RNF44: variants seen among roughly 807,000 people sequenced by gnomAD.
The protein encoded by RNF44 is ring finger protein 44.
A neutral mutation model predicts 53.6 loss-of-function variants in RNF44; 25 were observed. The ratio of observed to expected loss-of-function variants is 0.47; its 90% CI spans 0.34 to 0.65. The LOEUF (loss-of-function observed/expected upper bound fraction) is 0.65, where lower values mean the gene tolerates loss of function less well. Ranked by LOEUF, RNF44 falls within the 30% of genes least tolerant of loss-of-function variation. The pLI is 0.01. For synonymous variants in RNF44, 282 were observed against 252.2 expected, an observed-to-expected ratio of 1.12 and a Z score of -1.12; for missense variants, 581 against 595.5, an observed-to-expected ratio of 0.98 and a Z score of 0.25.
rs1266882464 is a variant in RNF44 at position 176,531,335 on chromosome 5, C to T, written c.465+128G>A. 5 of 913,092 alleles carry T rather than the reference C, an allele frequency of 5.5e-6. No homozygotes were observed. Among genetic ancestry groups the T allele is most frequent in the African/African-American group, 1.7e-5 (1 of 59,780 alleles). The allele number at this position is 913,092 out of a possible 1,614,324, so 56.6% of individuals were successfully genotyped here. On this transcript the variant is annotated intron_variant, in intron 4 of 10. Coordinates refer to ENST00000274811, the MANE Select transcript of RNF44 (RefSeq NM_014901.5). The surrounding 1 kb of genome is among the most constrained non-coding windows in gnomAD (Gnocchi z 4.2). ...CGTATGCTTTCCTGGGGAGGCCAGGCAGGCGCTCTGACAGCCTGGATGGCT... is the reference window on the plus strand; with the variant it reads ...CGTATGCTTTCCTGGGGAGGCCAGGTAGGCGCTCTGACAGCCTGGATGGCT...
Position 176,529,586 on chromosome 5 carries a change from G to A in RNF44, c.1073C>T (p.Ala358Val), listed in dbSNP as rs760626091. Residue 358 changes from alanine to valine, a missense_variant, in exon 9 of 11, where the codon GCA (alanine) becomes GTA (valine). By Grantham distance (64) the Ala-to-Val change is moderately conservative. Transcript: ENST00000274811. ...GTACGACGGGAGCTGCTCTATGTCT[G>A]CTTTGGTGAGACCCCGGGGCTTGGC... ...GDAKPRGLTK[A>V]DIEQLPSYRF... The A allele has an allele frequency of 3.7e-6, 6 of 1,614,044 alleles. No individual in the cohort carries two copies. The East Asian group carries it at 1.3e-4, about 36-fold the overall frequency.
rs1756573687 is a variant in RNF44, at chr5:176,530,722, CGTT to C, written c.658_660del (p.Asn220del). ...GGCTGGTCCCCACGCAGGTCCACGT[CGTT>C]GTCGAGCCGCTGGAGGGGCTGGAAG... On this transcript the variant is annotated inframe_deletion, in exon 6 of 11. Coordinates refer to ENST00000274811, the MANE Select transcript of RNF44 (RefSeq NM_014901.5). 1.3e-6 allele frequency: 2 copies of C among 1,545,702 alleles called. No homozygotes were observed. The highest frequency in any genetic ancestry group is 1.7e-6 in the Non-Finnish European group (2 of 1,148,888).
At position 176,529,051 on chromosome 5, in the gene RNF44, C is replaced by T. The variant is rs780972116; in HGVS notation, c.1276G>A (p.Glu426Lys). The change falls in exon 11 of 11, where the codon GAG becomes AAG. Residue 426 changes from glutamate (E) to lysine (K), a missense_variant. Physicochemically the swap from Glu to Lys is moderately conservative, Grantham distance 56 (BLOSUM62 1). Transcript: ENST00000274811. The stretch of plus-strand genomic sequence containing the variant: ...CCTCACTCAGCCTCCCTGGGCACCT[C>T]GGAGGCGTCGGCCCGGCAGATGGGA... The part of the protein sequence containing the change: ...TCPICRADAS[E>K]VPREAE The T allele has an allele frequency of 8.1e-6, 13 of 1,612,738 alleles. 1 individual carries two copies. Among genetic ancestry groups the T allele is most frequent in the African/African-American group, 2.7e-5 (2 of 74,930 alleles).
chr5:176,527,180 A>AATAAG lies in RNF44; in HGVS notation c.*1843_*1847dup, dbSNP rs1756102496. The AATAAG allele has an allele frequency of 6.6e-6, 1 of 152,424 alleles. No individual in the cohort carries two copies. Among genetic ancestry groups the AATAAG allele is most frequent in the Non-Finnish European group, 1.5e-5 (1 of 68,038 alleles). 9.4% of individuals were successfully genotyped at this position (152,424 alleles called of 1,614,324 possible). ...GTCATGCCTAGGCCAGAAGTTGGTA[A>AATAAG]ATAAGAGAGTAAACAATGGCAAGCC... is the stretch of plus-strand genomic sequence containing the variant. On this transcript the variant is annotated 3_prime_UTR_variant, in exon 11 of 11. Coordinates refer to ENST00000274811, the MANE Select transcript of RNF44 (RefSeq NM_014901.5).
chr5:176,528,914 C>T lies in RNF44; in HGVS notation c.*114G>A. Reference sequence around the variant, plus strand: ...GACCCTGGCACCAGCTCTGGAAATGCAGGCAGGAGCGAAGGGGCAGGCCTG... The same window carrying T: ...GACCCTGGCACCAGCTCTGGAAATGTAGGCAGGAGCGAAGGGGCAGGCCTG... On this transcript the variant is annotated 3_prime_UTR_variant, in exon 11 of 11. Coordinates refer to ENST00000274811, the MANE Select transcript of RNF44 (RefSeq NM_014901.5). 3.1e-6 allele frequency: 3 copies of T among 963,784 alleles called. No individual in the cohort carries two copies. Among genetic ancestry groups the T allele is most frequent in the Non-Finnish European group, 3.1e-6 (2 of 652,136 alleles). 59.7% of individuals were successfully genotyped at this position (963,784 alleles called of 1,614,324 possible).
chr5:176,540,280 T>C (rs1447674817), upstream of RNF44, among the ~76,000 whole-genome samples: 1 of 152,064 alleles, frequency 6.6e-6, no homozygotes, highest in Non-Finnish European at 1.5e-5. Flanking sequence ...GACCTGAGGC[T>C]CAAAGAGGTG....
At chr5:176,534,228 C>A (rs558751477) in intron 1 of RNF44, among the ~76,000 whole-genome samples, 46 of 152,360 alleles carry the variant, frequency 3.0e-4, no homozygotes, top group Admixed American at 7.8e-4. Context: ...GTCACCCAGT[C>A]TGGCAGCAAT....
Position 176,529,538 on chromosome 5 carries a change from T to C in RNF44, c.1121A>G (p.Gln374Arg). The change falls in exon 9 of 11, where the codon CAG becomes CGG. Residue 374 changes from glutamine (Q) to arginine (R), a missense_variant. Transcript: ENST00000274811. The stretch of plus-strand genomic sequence containing the variant: ...GGGTACTCACAGCGTCTGCTCCGAC[T>C]GATGGCTGTCCGGGTTAAAGCGGTA... ...PSYRFNPDSH[Q>R]SEQTLCVVCF... is the part of the protein sequence containing the mutation. The C allele has an allele frequency of 6.2e-7, 1 of 1,614,020 alleles. No individual in the cohort carries two copies. The highest frequency in any genetic ancestry group is 1.3e-5 in the African/African-American group (1 of 75,064).
Position 176,527,094 on chromosome 5 carries a change from A to T in RNF44, c.*1934T>A, listed in dbSNP as rs776355644. On this transcript the variant is annotated 3_prime_UTR_variant, in exon 11 of 11. Coordinates refer to ENST00000274811, the MANE Select transcript of RNF44 (RefSeq NM_014901.5). ...TATATGTAATTTTATATATATATAA[A>T]ACCTTTCTAACACAGAACACAGGCG... The T allele has an allele frequency of 1.3e-5, 2 of 152,176 alleles. No individual in the cohort carries two copies. The highest frequency in any genetic ancestry group is 4.8e-5 in the African/African-American group (2 of 41,382). The allele number at this position is 152,176 out of a possible 1,614,324, so 9.4% of individuals were successfully genotyped here.
Position 176,529,548 on chromosome 5 carries a change from C to A in RNF44, c.1111G>T (p.Asp371Tyr). 1 of 1,614,022 alleles carries A rather than the reference C, an allele frequency of 6.2e-7. No individual in the cohort carries two copies. The highest frequency in any genetic ancestry group is 8.5e-7 in the Non-Finnish European group (1 of 1,180,024). The change falls in exon 9 of 11, where the codon GAC becomes TAC. Residue 371 changes from aspartate to tyrosine, a missense_variant. Transcript: ENST00000274811. Reference protein sequence around the residue: ...EQLPSYRFNPDSHQSEQTLCV... With the variant: ...EQLPSYRFNPYSHQSEQTLCV... ...AGCGTCTGCTCCGACTGATGGCTGTCCGGGTTAAAGCGGTACGACGGGAGC... is the reference window on the plus strand; with the variant it reads ...AGCGTCTGCTCCGACTGATGGCTGTACGGGTTAAAGCGGTACGACGGGAGC...
rs1756146624 is a variant in RNF44, at chr5:176,527,648, C to T, written c.*1380G>A. On this transcript the variant is annotated 3_prime_UTR_variant, in exon 11 of 11. Transcript: ENST00000274811. ...GGAGAACGAGGGTGGTTGGAGCATC[C>T]CTGAGGCAGCAGGCGCCAGGGGCTG... 1 of 152,280 alleles carries T rather than the reference C, an allele frequency of 6.6e-6. No homozygotes were observed. Among genetic ancestry groups the T allele is most frequent in the African/African-American group, 2.4e-5 (1 of 41,412 alleles). The allele number at this position is 152,280 out of a possible 1,614,324, so 9.4% of individuals were successfully genotyped here.
rs1756131431 is a variant in RNF44 at position 176,527,495 on chromosome 5, T to C, written c.*1533A>G. 6.6e-6 allele frequency: 1 copy of C among 152,402 alleles called. No homozygotes were observed. The allele number at this position is 152,402 out of a possible 1,614,324, so 9.4% of individuals were successfully genotyped here. A position where few individuals can be genotyped will look rare whatever the true frequency, so the allele number is the denominator to read the frequency against. On this transcript the variant is annotated 3_prime_UTR_variant, in exon 11 of 11. Transcript: ENST00000274811. ...TGTAAAACACGTGGGTTTTCAACACTGCTATAAATATAGAAACGTCACCTG... is the reference window on the plus strand; with the variant it reads ...TGTAAAACACGTGGGTTTTCAACACCGCTATAAATATAGAAACGTCACCTG...
At chr5:176,535,182 C>T (rs1757042552) in intron 1 of RNF44, among the ~76,000 whole-genome samples, 1 of 152,250 alleles carries the variant, frequency 6.6e-6, no homozygotes, top group Admixed American at 6.5e-5. Flanking sequence ...AGGGCTTCCC[C>T]TCCCGAGCCT....
In RNF44 at chr5:176,529,198, T is replaced by C. The variant is rs756744192; in HGVS notation, c.1236+90A>G. 8.4e-6 allele frequency: 13 copies of C among 1,555,898 alleles called. No individual in the cohort carries two copies. In the African/African-American group the frequency reaches 9.5e-5, roughly 11 times the overall value. ...GCTGGAGCCAGAACTTCCGAGATGATGACAAGGACAAGGAGGGAAACAGCC... is the reference window on the plus strand; with the variant it reads ...GCTGGAGCCAGAACTTCCGAGATGACGACAAGGACAAGGAGGGAAACAGCC... On this transcript the variant is annotated intron_variant, in intron 10 of 10. Transcript: ENST00000274811.
intron 1 of RNF44, among the ~76,000 whole-genome samples, chr5:176,532,786 AG>A (rs1246763458): frequency 1.3e-5 from 2 of 148,600 alleles, no homozygotes; most frequent in African/African-American, 4.9e-5. Flanking sequence ...TGAGGCACAG[AG>A]AAGTCCAGGC....
In RNF44 at chr5:176,526,986, C is replaced by A. The variant is rs1279506711; in HGVS notation, c.*2042G>T. On this transcript the variant is annotated 3_prime_UTR_variant, in exon 11 of 11. Transcript: ENST00000274811. ...TTTTTTCTCTATATATTAGCATTTT[C>A]TCAAATACATACATGGGAAAAATGA... The A allele has an allele frequency of 6.6e-6, 1 of 152,282 alleles. No individual in the cohort carries two copies. Among genetic ancestry groups the A allele is most frequent in the East Asian group, 1.9e-4 (1 of 5,204 alleles). 9.4% of individuals were successfully genotyped at this position (152,282 alleles called of 1,614,324 possible). A position where few individuals can be genotyped will look rare whatever the true frequency, so the allele number is the denominator to read the frequency against.
intron 2 of RNF44, 38 bp downstream of exon 2, chr5:176,532,328 C>T: frequency 1.3e-6 from 2 of 1,572,320 alleles, no homozygotes; most frequent in Non-Finnish European, 8.6e-7. Flanking sequence ...CTGCTGGCCC[C>T]CATGCCCCAG....
chr5:176,530,291 C>A, intron 6 of RNF44, 85 bp from the exon 7 acceptor site: 1 of 296,746 alleles, frequency 3.4e-6, no homozygotes. Flanking sequence ...GCCCGGTGGG[C>A]CTGCCTCCCA....
Position 176,531,850 on chromosome 5 carries a change from C to A in RNF44, c.297+154G>T. ...TGCTAGTCACCCAGTGTGGCCCTTT[C>A]CCCGGGCCTCAGTTTACCTACCTGT... On this transcript the variant is annotated intron_variant, in intron 3 of 10. Transcript: ENST00000274811. This position sits in a 1 kb window ranked among gnomAD's most constrained non-coding sequence, Gnocchi z 4.2. 2 of 930,286 alleles carry A rather than the reference C, an allele frequency of 2.1e-6. No homozygotes were observed. The highest frequency in any genetic ancestry group is 1.6e-6 in the Non-Finnish European group (1 of 628,140). 57.6% of individuals were successfully genotyped at this position (930,286 alleles called of 1,614,324 possible).
Sources: allele counts gnomAD v4.1 joint callset (sites outside exome capture counted in the v4.1 genomes callset), GRCh38; gene constraint gnomAD v4.1.1; non-coding constraint Gnocchi (gnomAD v3.1); transcripts MANE v1.5; gene names NCBI Gene and HGNC (gene_info 2026-07-23, HGNC 2026-07-21).